The following SATL1 variants were observed in gnomAD, a reference collection of about 807,000 sequenced individuals.
SATL1 encodes the protein spermidine/spermine N(1)-acetyltransferase-like protein 1.
SATL1 carries 47 observed loss-of-function variants against 51.8 expected under a neutral mutation model. The observed-to-expected ratio is 0.91, with a 90% CI of 0.72 to 1.16. The LOEUF (loss-of-function observed/expected upper bound fraction) is 1.16. Among genes scored for constraint, SATL1 ranks in the 50% most tolerant of loss-of-function variants. SATL1 has a pLI of 0.00. For missense variants in SATL1, 520 were observed against 526.4 expected (o/e 0.99, Z 0.12); for synonymous variants, 176 against 182.4 (o/e 0.97, Z 0.28).
chrX:85,159,437 G>C (rs931368618), intron 2 of SATL1, among the ~76,000 whole-genome samples: 5 of 110,493 alleles, frequency 4.5e-5, no homozygotes, highest in African/African-American at 1.7e-4. Context: ...GATTGAGGTT[G>C]CATGCTCCTT....
intron 3 of SATL1, among the ~76,000 whole-genome samples, chrX:85,106,022 G>A (rs959717917): frequency 3.6e-5 from 4 of 111,943 alleles, no homozygotes; most frequent in Admixed American, 1.9e-4. Context: ...TTCCCTTGGT[G>A]ATGACAATGG....
rs370406061 is a variant in SATL1, at chrX:85,108,583, G to A, written c.386C>T (p.Thr129Met). The change falls in exon 3 of 8, where the codon ACG becomes ATG. Residue 129 changes from threonine (T) to methionine (M), a missense_variant. Transcript: ENST00000644105. ...PSQSRMRQIG[T>M]NQSGMSQPVM... The stretch of plus-strand genomic sequence containing the variant: ...TGGTTGGCTCATACCTGATTGGTTC[G>A]TGCCTATTTGCCTCATGCGTGATTG... 240 of 1,203,520 alleles carry A rather than the reference G, an allele frequency of 2.0e-4. 1 individual carries two copies. In the African/African-American group the frequency reaches 2.8e-3, roughly 14 times the overall value.
intron 2 of SATL1, among the ~76,000 whole-genome samples, chrX:85,151,298 T>C (rs1274500780): frequency 9.0e-6 from 1 of 110,691 alleles, no homozygotes; most frequent in Admixed American, 9.6e-5. Flanking sequence ...TACAAACCGG[T>C]GCTCAAGGAA....
At chrX:85,136,836 G>T (rs901527575) in intron 2 of SATL1, among the ~76,000 whole-genome samples, 4 of 111,438 alleles carry the variant, frequency 3.6e-5, no homozygotes, top group Non-Finnish European at 7.5e-5. Context: ...TTTATTAAAA[G>T]ATTTTCAGCA....
intron 2 of SATL1, among the ~76,000 whole-genome samples, chrX:85,220,644 TAAAA>T (rs57383092): frequency 1.2e-4 from 3 of 24,164 alleles, no homozygotes; most frequent in African/African-American, 4.7e-4. Context: ...ACTTCTGTGT[TAAAA>T]AAAAAAAAAA....
chrX:85,103,604 C>T (rs1286442763), intron 4 of SATL1, among the ~76,000 whole-genome samples: 1 of 111,419 alleles, frequency 9.0e-6, no homozygotes, highest in Non-Finnish European at 1.9e-5. Context: ...CTTTTTTGAC[C>T]AGTAACACTC....
chrX:85,200,575 C>T (rs1230627881), intron 2 of SATL1, among the ~76,000 whole-genome samples: 5 of 111,122 alleles, frequency 4.5e-5, no homozygotes, highest in Non-Finnish European at 9.4e-5. Flanking sequence ...AAGGAGAGCA[C>T]ATGGATATAA....
chrX:85,192,398 T>C (rs911695563), intron 2 of SATL1, among the ~76,000 whole-genome samples: 1 of 111,296 alleles, frequency 9.0e-6, no homozygotes, highest in Non-Finnish European at 1.9e-5. Flanking sequence ...TTCCATGCCT[T>C]CTCTTCCCCT....
chrX:85,109,968 C>T (rs187928520), intron 2 of SATL1, among the ~76,000 whole-genome samples: 1 of 111,939 alleles, frequency 8.9e-6, no homozygotes, highest in East Asian at 2.8e-4. Flanking sequence ...TGAGATCGCA[C>T]TATTGCACTC....
intron 2 of SATL1, among the ~76,000 whole-genome samples, chrX:85,149,323 G>C (rs1314667030): frequency 9.0e-6 from 1 of 111,233 alleles, no homozygotes; most frequent in East Asian, 2.8e-4. Context: ...AGCAAGTCCT[G>C]AGTGACCTAC....
At chrX:85,097,352 A>T (rs940421614) in intron 4 of SATL1, among the ~76,000 whole-genome samples, 9 of 111,717 alleles carry the variant, frequency 8.1e-5, no homozygotes, top group Non-Finnish European at 1.5e-4. Flanking sequence ...ATTACTTTTT[A>T]TTTTTTTGAG....
intron 1 of SATL1, among the ~76,000 whole-genome samples, chrX:85,241,653 C>A (rs1253449380): frequency 1.8e-5 from 2 of 111,671 alleles, no homozygotes. Context: ...GCCAGGATTA[C>A]CAAAACTCTC....
At chrX:85,193,528 T>C (rs1173809010) in intron 2 of SATL1, among the ~76,000 whole-genome samples, 1 of 111,525 alleles carries the variant, frequency 9.0e-6, no homozygotes, top group Non-Finnish European at 1.9e-5. Flanking sequence ...TTTTTTAGCT[T>C]ATATTTTAGG....
Position 85,109,285 on chromosome X carries a change from C to T in SATL1, c.-312-5G>A. 1 of 321,496 alleles carries T rather than the reference C, an allele frequency of 3.1e-6. No homozygotes were observed. Among genetic ancestry groups the T allele is most frequent in the Non-Finnish European group, 5.5e-6 (1 of 183,436 alleles). 26.5% of individuals were successfully genotyped at this position (321,496 alleles called of 1,213,427 possible). On this transcript the variant is annotated splice_polypyrimidine_tract_variant and splice_region_variant and intron_variant, in intron 2 of 7. Coordinates refer to ENST00000644105, the MANE Select transcript of SATL1 (RefSeq NM_001367857.2). ...AGGTTGTCATCTGGCCTTTCCCTGC[C>T]AAAAGGGGGGAAGTAAAGGGAAGAC...
At chrX:85,179,199 A>G (rs895763086) in intron 2 of SATL1, among the ~76,000 whole-genome samples, 1 of 111,800 alleles carries the variant, frequency 8.9e-6, no homozygotes, top group African/African-American at 3.2e-5. Flanking sequence ...ACTATATTGG[A>G]CAGAACAGAT....
At chrX:85,097,204 G>A (rs1232434961) in intron 4 of SATL1, among the ~76,000 whole-genome samples, 1 of 111,599 alleles carries the variant, frequency 9.0e-6, no homozygotes, top group Admixed American at 9.5e-5. Context: ...AGTAAGACTC[G>A]CTGTGGGACT....
At chrX:85,129,190 A>C (rs1261762061) in intron 2 of SATL1, among the ~76,000 whole-genome samples, 1 of 111,925 alleles carries the variant, frequency 8.9e-6, no homozygotes, top group Non-Finnish European at 1.9e-5. Flanking sequence ...GAAGAAAGTT[A>C]TTGGTAGCTT....
At chrX:85,163,572 C>T (rs1286684387) in intron 2 of SATL1, among the ~76,000 whole-genome samples, 2 of 111,180 alleles carry the variant, frequency 1.8e-5, no homozygotes, top group African/African-American at 3.3e-5. Flanking sequence ...TGTATAGTTT[C>T]GCGGGTTTCT....
chrX:85,124,306 A>G (rs1925570596), intron 2 of SATL1, among the ~76,000 whole-genome samples: 1 of 111,981 alleles, frequency 8.9e-6, no homozygotes. Flanking sequence ...AGTGAAGAGC[A>G]TTAGCTTTGA....
Sources: allele counts gnomAD v4.1 joint callset (sites outside exome capture counted in the v4.1 genomes callset), GRCh38; gene constraint gnomAD v4.1.1; transcripts MANE v1.5; gene names NCBI Gene and HGNC (gene_info 2026-07-23, HGNC 2026-07-21).